TAFA5: variants seen among roughly 807,000 people sequenced by gnomAD.
TAFA5 encodes the protein TAFA chemokine like family member 5, also known as chemokine-like protein TAFA-5.
In TAFA5, 6 loss-of-function variants were observed where a neutral mutation model predicts 15.3. That is an observed-to-expected ratio of 0.39 (90% CI 0.21 to 0.77). The LOEUF is 0.77. TAFA5 is among the 30% of genes least tolerant of loss of function. The pLI is 0.41. For missense variants in TAFA5, 161 were observed against 193.1 expected (o/e 0.83, Z 0.98); for synonymous variants, 103 against 80.7 (o/e 1.28, Z -1.48).
intron 1 of TAFA5, among the ~76,000 whole-genome samples, chr22:48,616,492 C>T (rs28478619): frequency 0.71 from 107,553 of 151,748 alleles, 38,920 homozygotes; most frequent in African/African-American, 0.86. Flanking sequence ...ATGCGTCACC[C>T]GCCCATGCAC....
At chr22:48,744,030 G>T (rs9628530) in intron 3 of TAFA5, among the ~76,000 whole-genome samples, 9,852 of 152,274 alleles carry the variant, frequency 0.065, 404 homozygotes, top group Admixed American at 0.095. Context: ...TTGCCGTCGG[G>T]GAAGCTCCGA....
intron 1 of TAFA5, among the ~76,000 whole-genome samples, chr22:48,639,563 C>T (rs1381471519): frequency 6.6e-6 from 1 of 152,196 alleles, no homozygotes; most frequent in African/African-American, 2.4e-5. Context: ...CCAGGGAGGC[C>T]CCAGCCCTGG....
At chr22:48,596,046 A>C (rs989877859) in intron 1 of TAFA5, among the ~76,000 whole-genome samples, 3 of 152,260 alleles carry the variant, frequency 2.0e-5, no homozygotes, top group Non-Finnish European at 4.4e-5. Flanking sequence ...AAAGCTTTTG[A>C]AATGCATCTT....
intron 1 of TAFA5, among the ~76,000 whole-genome samples, chr22:48,585,437 A>G (rs960019780): frequency 6.7e-6 from 1 of 149,632 alleles, no homozygotes; most frequent in Admixed American, 6.7e-5. Context: ...CATCACACAC[A>G]TGCCACATCC....
intron 1 of TAFA5, among the ~76,000 whole-genome samples, chr22:48,611,535 C>T (rs1925410692): frequency 1.3e-5 from 2 of 152,120 alleles, no homozygotes; most frequent in Admixed American, 6.5e-5. Context: ...TTTGGGGGCT[C>T]GGCCATGTGG....
chr22:48,572,492 C>G (rs1923624100), intron 1 of TAFA5, among the ~76,000 whole-genome samples: 1 of 152,204 alleles, frequency 6.6e-6, no homozygotes, highest in African/African-American at 2.4e-5. Context: ...AGGAATTGTG[C>G]TACCTTTGGA....
intron 1 of TAFA5, among the ~76,000 whole-genome samples, chr22:48,574,005 A>G (rs1202035953): frequency 1.3e-5 from 2 of 152,206 alleles, no homozygotes; most frequent in Admixed American, 6.5e-5. Flanking sequence ...ATGAAGGCCA[A>G]CGACCTTGCT....
At chr22:48,515,175 C>T (rs987328280) in intron 1 of TAFA5, among the ~76,000 whole-genome samples, 4 of 152,142 alleles carry the variant, frequency 2.6e-5, no homozygotes, top group African/African-American at 9.7e-5. Flanking sequence ...AGGTGCAGAG[C>T]TGGCGAATGC....
intron 3 of TAFA5, among the ~76,000 whole-genome samples, chr22:48,730,702 G>A (rs1325948469): frequency 1.3e-5 from 2 of 152,156 alleles, no homozygotes; most frequent in Non-Finnish European, 2.9e-5. Context: ...GACTATGGCA[G>A]TTGTCTTGGG....
At chr22:48,677,966 AC>A (rs1449781270) in intron 2 of TAFA5, among the ~76,000 whole-genome samples, 3 of 150,496 alleles carry the variant, frequency 2.0e-5, no homozygotes, top group Admixed American at 6.6e-5. Context: ...GCCTCCCTAG[AC>A]CCCGAGAGCT....
intron 1 of TAFA5, among the ~76,000 whole-genome samples, chr22:48,638,133 G>A (rs575583193): frequency 1.6e-4 from 24 of 152,182 alleles, no homozygotes; most frequent in South Asian, 1.2e-3. Flanking sequence ...CTGTCACCAC[G>A]TCCTGGCAGT....
intron 1 of TAFA5, among the ~76,000 whole-genome samples, chr22:48,511,154 C>T (rs879876444): frequency 2.6e-5 from 4 of 152,178 alleles, no homozygotes; most frequent in African/African-American, 4.8e-5. Flanking sequence ...TGGAGGAGGC[C>T]GCTGGGGATC....
intron 2 of TAFA5, among the ~76,000 whole-genome samples, chr22:48,702,070 G>A (rs995472653): frequency 2.3e-4 from 35 of 152,280 alleles, no homozygotes; most frequent in African/African-American, 7.0e-4. Context: ...AGGTGGCCCC[G>A]GGGATGATAC....
intron 2 of TAFA5, among the ~76,000 whole-genome samples, chr22:48,686,357 T>C (rs1202670918): frequency 6.6e-6 from 1 of 152,200 alleles, no homozygotes; most frequent in East Asian, 1.9e-4. Context: ...GTGAGCACTC[T>C]CTTCTGGTTT....
chr22:48,627,128 C>T (rs368451018), intron 1 of TAFA5, among the ~76,000 whole-genome samples: 94 of 152,322 alleles, frequency 6.2e-4, no homozygotes, highest in Middle Eastern at 6.8e-3. Flanking sequence ...GATTTCCACT[C>T]GGCTTGGCAT....
At chr22:48,660,823 G>A (rs1927411495) in intron 2 of TAFA5, among the ~76,000 whole-genome samples, 1 of 152,176 alleles carries the variant, frequency 6.6e-6, no homozygotes, top group Non-Finnish European at 1.5e-5. Context: ...GGGTTTTGGG[G>A]GTCAGGAGGT....
intron 1 of TAFA5, among the ~76,000 whole-genome samples, chr22:48,583,454 AAT>A (rs1924176456): frequency 6.9e-6 from 1 of 145,710 alleles, no homozygotes; most frequent in Non-Finnish European, 1.5e-5. Context: ...CCGCACACAA[AAT>A]ATACACATAC....
chr22:48,717,613 C>T (rs1311788124), intron 3 of TAFA5, among the ~76,000 whole-genome samples: 1 of 152,228 alleles, frequency 6.6e-6, no homozygotes, highest in Non-Finnish European at 1.5e-5. Context: ...GCCGAGCCAG[C>T]ACTGCCTCAG....
At chr22:48,580,998 C>G (rs1050783480) in intron 1 of TAFA5, among the ~76,000 whole-genome samples, 3 of 152,184 alleles carry the variant, frequency 2.0e-5, no homozygotes, top group Non-Finnish European at 2.9e-5. Flanking sequence ...CTCCAGCAGA[C>G]GCTGTTTGCA....
Sources: allele counts gnomAD v4.1 joint callset (sites outside exome capture counted in the v4.1 genomes callset), GRCh38; gene constraint gnomAD v4.1.1; transcripts MANE v1.5; gene names NCBI Gene and HGNC (gene_info 2026-07-23, HGNC 2026-07-21).